The following ITPR2 variants were observed in gnomAD, a reference collection of about 807,000 sequenced individuals.
ITPR2 encodes the protein inositol 1,4,5-trisphosphate-gated calcium channel ITPR2.
Under a neutral mutation model 317.1 loss-of-function variants are expected in ITPR2, and 207 were observed. The ratio of observed to expected loss-of-function variants is 0.65; its 90% CI spans 0.58 to 0.73. The LOEUF is 0.73. ITPR2 is among the 30% of genes least tolerant of loss of function. ITPR2 has a pLI of 0.00. For synonymous variants in ITPR2, 1,156 were observed against 1,149.1 expected (o/e 1.01, Z -0.12); for missense variants, 2,613 against 3,284.0 (o/e 0.80, Z 4.99).
intron 21 of ITPR2, among the ~76,000 whole-genome samples, chr12:26,646,821 C>G (rs1447022184): frequency 6.6e-6 from 1 of 152,118 alleles, no homozygotes; most frequent in Non-Finnish European, 1.5e-5. Context: ...TCCTCATTTT[C>G]TACATCATAA....
intron 13 of ITPR2, among the ~76,000 whole-genome samples, chr12:26,678,811 A>T (rs1241219362): frequency 6.6e-6 from 1 of 152,342 alleles, no homozygotes; most frequent in South Asian, 2.1e-4. Context: ...CTTCCTTAGA[A>T]TCATCTTGAG....
chr12:26,580,083 T>A lies in ITPR2; in HGVS notation c.4453A>T (p.Asn1485Tyr), dbSNP rs200346963. 2.0e-4 allele frequency: 316 copies of A among 1,611,630 alleles called. 1 individual carries two copies. The Admixed American group carries it at 5.2e-3, about 27-fold the overall frequency. ...LEKCVTESIM[N>Y]IVSGFFNSPF... ...GAATTAAAGAAGCCGCTCACAATAT[T>A]CATTATTGACTCAGTAACACACTTT... The change falls in exon 33 of 57, where the codon AAT becomes TAT. Residue 1485 changes from asparagine (N) to tyrosine (Y), a missense_variant. Coordinates refer to ENST00000381340, the MANE Select transcript of ITPR2 (RefSeq NM_002223.4).
chr12:26,759,501 A>C (rs1377809082), intron 2 of ITPR2, among the ~76,000 whole-genome samples: 1 of 152,240 alleles, frequency 6.6e-6, no homozygotes, highest in Non-Finnish European at 1.5e-5. Context: ...GTTGTAAATT[A>C]TATCTTACCT....
intron 2 of ITPR2, among the ~76,000 whole-genome samples, chr12:26,751,147 T>C (rs1949408026): frequency 6.6e-6 from 1 of 152,178 alleles, no homozygotes; most frequent in African/African-American, 2.4e-5. Flanking sequence ...ATTTTAGAAC[T>C]TTCTTCTGCT....
chr12:26,462,406 G>T (rs1158273084), intron 45 of ITPR2, among the ~76,000 whole-genome samples: 1 of 152,142 alleles, frequency 6.6e-6, no homozygotes, highest in African/African-American at 2.4e-5. Flanking sequence ...TAGAGATGTT[G>T]TTTCATCATG....
At chr12:26,717,120 CACTT>C (rs983393037) in intron 5 of ITPR2, among the ~76,000 whole-genome samples, 3 of 152,040 alleles carry the variant, frequency 2.0e-5, no homozygotes, top group Admixed American at 6.6e-5. Context: ...AATAAAATCT[CACTT>C]AAAGAATTGA....
chr12:26,688,180 C>T (rs568557657), intron 10 of ITPR2, among the ~76,000 whole-genome samples: 38 of 152,156 alleles, frequency 2.5e-4, no homozygotes, highest in Admixed American at 6.5e-4. Context: ...CGACTACAGA[C>T]GTGTGCCACC....
At chr12:26,471,350 C>A (rs1389137181) in intron 45 of ITPR2, among the ~76,000 whole-genome samples, 1 of 152,094 alleles carries the variant, frequency 6.6e-6, no homozygotes, top group Non-Finnish European at 1.5e-5. Flanking sequence ...GTGACTGTCT[C>A]TACAGAAAGC....
At position 26,774,353 on chromosome 12, in the gene ITPR2, C is replaced by T. The variant is rs116887766; in HGVS notation, c.163+15804G>A. Among the ~76,000 whole-genome samples the T allele has an allele frequency of 1.4e-3, 207 of 152,250 alleles. 1 individual carries two copies. Among genetic ancestry groups the T allele is most frequent in the Non-Finnish European group, 2.4e-3 (161 of 68,016 alleles). On this transcript the variant is annotated intron_variant, in intron 2 of 56. Coordinates refer to ENST00000381340, the MANE Select transcript of ITPR2 (RefSeq NM_002223.4). ...TATATTGCCTTTAAAAATTATGGTT[C>T]TTAGCCTGGGTGTGGTGGCTCATGC...
intron 37 of ITPR2, among the ~76,000 whole-genome samples, chr12:26,538,663 G>A (rs61920294): frequency 0.15 from 22,173 of 151,586 alleles, 2,303 homozygotes; most frequent in Non-Finnish European, 0.23. Flanking sequence ...TGCAACCTCC[G>A]CCTTCTGGGT....
At chr12:26,462,154 CTTTTG>C (rs71069237) in intron 45 of ITPR2, among the ~76,000 whole-genome samples, 11 of 149,574 alleles carry the variant, frequency 7.4e-5, no homozygotes, top group Admixed American at 2.0e-4. Flanking sequence ...ACAAGGAAAA[CTTTTG>C]TTTTGTTTTG....
chr12:26,342,455 T>G (rs1208561068), intron 55 of ITPR2, among the ~76,000 whole-genome samples: 5 of 105,918 alleles, frequency 4.7e-5, no homozygotes, highest in African/African-American at 1.6e-4. Context: ...TGATCTCCAG[T>G]TTTGGAAGTG....
intron 50 of ITPR2, among the ~76,000 whole-genome samples, chr12:26,416,163 A>G (rs1741670200): frequency 6.6e-6 from 1 of 152,340 alleles, no homozygotes; most frequent in Non-Finnish European, 1.5e-5. Flanking sequence ...TATAATATGT[A>G]CATTGCTAAT....
At chr12:26,644,057 C>G (rs1947053889) in intron 21 of ITPR2, among the ~76,000 whole-genome samples, 1 of 152,168 alleles carries the variant, frequency 6.6e-6, no homozygotes, top group South Asian at 2.1e-4. Context: ...AAGCCAGGAC[C>G]TACTGTCCAA....
intron 51 of ITPR2, among the ~76,000 whole-genome samples, chr12:26,412,518 A>T (rs1158208045): frequency 6.6e-6 from 1 of 152,228 alleles, no homozygotes; most frequent in Non-Finnish European, 1.5e-5. Context: ...GCATCCTGCT[A>T]GGCCCCCCAG....
chr12:26,396,183 T>C (rs1433878109), intron 54 of ITPR2, among the ~76,000 whole-genome samples: 1 of 151,808 alleles, frequency 6.6e-6, no homozygotes, highest in Admixed American at 6.6e-5. Flanking sequence ...AGCTGTCACA[T>C]AAAGAGAAAA....
At chr12:26,516,271 GGAAGGGAAGGGAAGGGAAA>G (rs1565574520) in intron 37 of ITPR2, among the ~76,000 whole-genome samples, 5 of 39,256 alleles carry the variant, frequency 1.3e-4, no homozygotes, top group South Asian at 1.1e-3. Flanking sequence ...GGAAAGGAAA[GGAAGGGAAGGGAAGGGAAA>G]GGAAAGGAAA....
At chr12:26,748,616 G>A (rs1363828115) in intron 2 of ITPR2, among the ~76,000 whole-genome samples, 3 of 148,262 alleles carry the variant, frequency 2.0e-5, no homozygotes, top group African/African-American at 7.3e-5. Flanking sequence ...CATATCCACT[G>A]GGTGTCTCAT....
chr12:26,563,834 A>G (rs1436120138), intron 34 of ITPR2, among the ~76,000 whole-genome samples: 1 of 152,216 alleles, frequency 6.6e-6, no homozygotes, highest in East Asian at 1.9e-4. Flanking sequence ...TAGGAAGGAA[A>G]CAGGCCTTTA....
Sources: allele counts gnomAD v4.1 joint callset (sites outside exome capture counted in the v4.1 genomes callset), GRCh38; gene constraint gnomAD v4.1.1; transcripts MANE v1.5; gene names NCBI Gene and HGNC (gene_info 2026-07-23, HGNC 2026-07-21).